SLAMF1: variants seen among roughly 807,000 people sequenced by gnomAD.
The protein encoded by SLAMF1 is signaling lymphocytic activation molecule family member 1, also known as signaling lymphocytic activation molecule.
Under a neutral mutation model 35.1 loss-of-function variants are expected in SLAMF1, and 18 were observed. The observed-to-expected ratio is 0.51, with a 90% CI of 0.35 to 0.76. The LOEUF is 0.76. Among genes scored for constraint, SLAMF1 ranks in the 30% least tolerant of loss-of-function variants. The pLI is 0.01. For missense variants in SLAMF1, 392 were observed against 413.0 expected (o/e 0.95, Z 0.44); for synonymous variants, 168 against 157.2 (o/e 1.07, Z -0.51).
intron 5 of SLAMF1, among the ~76,000 whole-genome samples, chr1:160,616,178 C>T (rs1475250426): frequency 2.6e-5 from 4 of 152,068 alleles, no homozygotes; most frequent in African/African-American, 4.8e-5. Context: ...AACAGGAGAG[C>T]GACCAACTTT....
At position 160,634,627 on chromosome 1, in the gene SLAMF1, C is replaced by T. The variant is rs1332843058; in HGVS notation, c.686G>A (p.Arg229Lys). The T allele has an allele frequency of 8.7e-6, 14 of 1,607,670 alleles. No homozygotes were observed. Among genetic ancestry groups the T allele is most frequent in the South Asian group, 1.1e-5 (1 of 89,804 alleles). The change falls in exon 3 of 7, where the codon AGG (arginine) becomes AAG (lysine). Residue 229 changes from arginine to lysine, a missense_variant. Coordinates refer to ENST00000302035, the MANE Select transcript of SLAMF1 (RefSeq NM_003037.5). ...AGTGTACTCACCTGAGGGGTCTGTC[C>T]TGCATCCGGGCCACGGGCTGAAGGT... is the stretch of plus-strand genomic sequence containing the variant. The part of the protein sequence containing the change: ...SQTFSPWPGC[R>K]TDPSETKPWA...
chr1:160,638,370 G>A (rs1390116544), intron 1 of SLAMF1, among the ~76,000 whole-genome samples: 1 of 152,146 alleles, frequency 6.6e-6, no homozygotes, highest in Non-Finnish European at 1.5e-5. Context: ...TACCTGGATG[G>A]ATGGTCTACA....
At chr1:160,612,901 T>A (rs1262165979) in intron 5 of SLAMF1, among the ~76,000 whole-genome samples, 4 of 152,186 alleles carry the variant, frequency 2.6e-5, no homozygotes, top group Non-Finnish European at 4.4e-5. Context: ...CAGGGGCAGC[T>A]GGAGGGGACA....
At position 160,645,647 on chromosome 1, in the gene SLAMF1, G is replaced by C. The variant is rs367994959; in HGVS notation, c.76+1223C>G. ...GTCACAAATTGGTTGCAACAACGGAGGCTTGGCTTTCCCTGTGACCACTTA... is the reference window on the plus strand; with the variant it reads ...GTCACAAATTGGTTGCAACAACGGACGCTTGGCTTTCCCTGTGACCACTTA... On this transcript the variant is annotated intron_variant, in intron 1 of 6. Coordinates refer to ENST00000302035, the MANE Select transcript of SLAMF1 (RefSeq NM_003037.5). Among the ~76,000 whole-genome samples the C allele has an allele frequency of 4.6e-5, 7 of 152,348 alleles. No individual in the cohort carries two copies. The East Asian group carries it at 5.8e-4, about 13-fold the overall frequency.
chr1:160,638,859 A>G (rs756928325), intron 1 of SLAMF1, among the ~76,000 whole-genome samples: 6 of 152,150 alleles, frequency 3.9e-5, no homozygotes, highest in Non-Finnish European at 7.4e-5. Flanking sequence ...TTTTTCTCCT[A>G]TCCTATATAG....
intron 1 of SLAMF1, among the ~76,000 whole-genome samples, chr1:160,638,644 G>T (rs1034350157): frequency 3.4e-4 from 51 of 152,028 alleles, no homozygotes; most frequent in African/African-American, 1.1e-3. Context: ...CCCATTTCCA[G>T]ACCCATTTTT....
rs115821296 is a variant in SLAMF1 at position 160,616,885 on chromosome 1, G to A, written c.864+2891C>T. On this transcript the variant is annotated intron_variant, in intron 5 of 6. Transcript: ENST00000302035. The stretch of plus-strand genomic sequence containing the variant: ...TGCATAGCAATTGAGGCCAGGAGTG[G>A]TGGCTCATGCCTGTAATCCCAGCAC... Among the ~76,000 whole-genome samples, 821 of 152,280 alleles carry A rather than the reference G, an allele frequency of 5.4e-3. 8 individuals carry two copies. Among genetic ancestry groups the A allele is most frequent in the Middle Eastern group, 0.01 (3 of 294 alleles).
intron 5 of SLAMF1, among the ~76,000 whole-genome samples, chr1:160,618,281 A>T (rs951000477): frequency 7.2e-5 from 11 of 152,236 alleles, no homozygotes; most frequent in African/African-American, 2.7e-4. Context: ...TGCTTTACCA[A>T]ATATCGAGAT....
At position 160,638,568 on chromosome 1, in the gene SLAMF1, A is replaced by C. The variant is rs539260893; in HGVS notation, c.77-1039T>G. Among the ~76,000 whole-genome samples, 240 of 152,230 alleles carry C rather than the reference A, an allele frequency of 1.6e-3. 4 individuals are homozygous for C. The highest frequency in any genetic ancestry group is 5.6e-3 in the African/African-American group (231 of 41,526). On this transcript the variant is annotated intron_variant, in intron 1 of 6. Coordinates refer to ENST00000302035, the MANE Select transcript of SLAMF1 (RefSeq NM_003037.5). ...CTCCCCTGATCCCAGGTCCATCCCC[A>C]GATACCTCTCCATTTCTGTTTTCCT... is the stretch of plus-strand genomic sequence containing the variant.
chr1:160,618,404 G>C (rs1478490384), intron 5 of SLAMF1, among the ~76,000 whole-genome samples: 1 of 120,050 alleles, frequency 8.3e-6, no homozygotes, highest in Non-Finnish European at 1.6e-5. Context: ...GTGAGAGTGA[G>C]TGTGTGTGTG....
At chr1:160,640,353 TATATATAC>T (rs1337637170) in intron 1 of SLAMF1, among the ~76,000 whole-genome samples, 1 of 131,710 alleles carries the variant, frequency 7.6e-6, no homozygotes, top group African/African-American at 2.9e-5. Flanking sequence ...TATATATATA[TATATATAC>T]ACACACACAC....
chr1:160,645,012 T>C (rs573356183), intron 1 of SLAMF1, among the ~76,000 whole-genome samples: 3 of 152,340 alleles, frequency 2.0e-5, no homozygotes, highest in Non-Finnish European at 4.4e-5. Context: ...GCAGAGGGCA[T>C]ATGGGAAATC....
chr1:160,622,657 C>G (rs1659681397), intron 4 of SLAMF1, among the ~76,000 whole-genome samples: 1 of 152,208 alleles, frequency 6.6e-6, no homozygotes, highest in Non-Finnish European at 1.5e-5. Context: ...ATACCAATCT[C>G]CACCACAATA....
chr1:160,646,762 A>G lies in SLAMF1; in HGVS notation c.76+108T>C, dbSNP rs141033479. 105 of 675,746 alleles carry G rather than the reference A, an allele frequency of 1.6e-4. 2 individuals are homozygous for G. In the East Asian group the frequency reaches 3.0e-3, roughly 19 times the overall value. 41.9% of individuals were successfully genotyped at this position (675,746 alleles called of 1,614,324 possible). ...AACTGACAGCCAGTCCCTAAGGAAGAGTGACCAAACACAATACCCAGCCCT... is the reference window on the plus strand; with the variant it reads ...AACTGACAGCCAGTCCCTAAGGAAGGGTGACCAAACACAATACCCAGCCCT... On this transcript the variant is annotated intron_variant, in intron 1 of 6. Coordinates refer to ENST00000302035, the MANE Select transcript of SLAMF1 (RefSeq NM_003037.5).
intron 3 of SLAMF1, among the ~76,000 whole-genome samples, chr1:160,633,359 G>GAACTTCC (rs1472834724): frequency 6.6e-6 from 1 of 152,186 alleles, no homozygotes; most frequent in Non-Finnish European, 1.5e-5. Flanking sequence ...ACTCATTCAA[G>GAACTTCC]AACTTCCAGG....
chr1:160,623,641 G>T, intron 4 of SLAMF1: 2 of 398,916 alleles, frequency 5.0e-6, no homozygotes, highest in South Asian at 2.5e-4. Context: ...TGGAAGAGAG[G>T]ACAGGGGATG....
rs1357275680 is a variant in SLAMF1, at chr1:160,608,659, G to C, written c.*2089C>G. 6.6e-6 allele frequency: 1 copy of C among 152,218 alleles called. No individual in the cohort carries two copies. Among genetic ancestry groups the C allele is most frequent in the Non-Finnish European group, 1.5e-5 (1 of 68,064 alleles). 9.4% of individuals were successfully genotyped at this position (152,218 alleles called of 1,614,324 possible). ...ACCCTTTGTTTCTGCCCTTCCTTCA[G>C]GTAGAATTCAGCTACTGGAAAAATC... is the stretch of plus-strand genomic sequence containing the variant. On this transcript the variant is annotated 3_prime_UTR_variant, in exon 7 of 7. Transcript: ENST00000302035.
chr1:160,622,564 G>A (rs965999652), intron 4 of SLAMF1, among the ~76,000 whole-genome samples: 1 of 152,080 alleles, frequency 6.6e-6, no homozygotes, highest in Non-Finnish European at 1.5e-5. Flanking sequence ...CTGTCTATCT[G>A]TCTATGTATC....
rs1057267589 is a variant in SLAMF1, at chr1:160,639,184, G to A, written c.77-1655C>T. 1.2e-4 allele frequency among the ~76,000 whole-genome samples: 19 copies of A among 152,044 alleles called. 2 individuals are homozygous for A. The highest frequency in any genetic ancestry group is 8.5e-4 in the Admixed American group (13 of 15,268). ...AGCCAATTTGTCAGGCCAAAACACT[G>A]GAAACATCCTTGATTCCTTTCTTTC... On this transcript the variant is annotated intron_variant, in intron 1 of 6. Coordinates refer to ENST00000302035, the MANE Select transcript of SLAMF1 (RefSeq NM_003037.5).
Sources: gnomAD v4.1 joint callset for allele counts (sites outside exome capture counted in the v4.1 genomes callset) on GRCh38, gnomAD v4.1.1 for gene constraint, MANE v1.5 for transcripts, NCBI Gene and HGNC (gene_info 2026-07-23, HGNC 2026-07-21) for gene names.